The following LHFPL6 variants were observed in gnomAD, a reference collection of about 807,000 sequenced individuals.
LHFPL6 encodes LHFPL tetraspan subfamily member 6 protein.
A neutral mutation model predicts 20.6 loss-of-function variants in LHFPL6; 9 were observed. That is an observed-to-expected ratio of 0.44 (90% confidence interval 0.26 to 0.76). The LOEUF (loss-of-function observed/expected upper bound fraction) is 0.76, where lower values mean the gene tolerates loss of function less well. Ranked by LOEUF, LHFPL6 falls within the 30% of genes least tolerant of loss-of-function variation. LHFPL6 has a pLI of 0.20. For synonymous variants in LHFPL6, 105 were observed against 98.7 expected (o/e 1.06, Z -0.38); for missense variants, 218 against 253.5 (o/e 0.86, Z 0.95).
chr13:39,401,056 GAGC>G (rs1870978257), intron 2 of LHFPL6, among the ~76,000 whole-genome samples: 1 of 152,094 alleles, frequency 6.6e-6, no homozygotes, highest in Non-Finnish European at 1.5e-5. Flanking sequence ...TTCCTTTATA[GAGC>G]TTATGTGACA....
chr13:39,359,626 A>T (rs1353743537), intron 3 of LHFPL6, among the ~76,000 whole-genome samples: 1 of 152,180 alleles, frequency 6.6e-6, no homozygotes, highest in African/African-American at 2.4e-5. Context: ...ATTGGGGAAT[A>T]CAAGGAGAAG....
At chr13:39,461,557 A>T (rs1246950914) in intron 2 of LHFPL6, among the ~76,000 whole-genome samples, 2 of 152,184 alleles carry the variant, frequency 1.3e-5, no homozygotes, top group African/African-American at 4.8e-5. Context: ...GAGAACTTTA[A>T]CATCATCACA....
At chr13:39,356,101 C>T (rs1869718888) in intron 3 of LHFPL6, among the ~76,000 whole-genome samples, 1 of 152,150 alleles carries the variant, frequency 6.6e-6, no homozygotes, top group South Asian at 2.1e-4. Context: ...GGAACATATG[C>T]TAAGATTGAC....
intron 2 of LHFPL6, among the ~76,000 whole-genome samples, chr13:39,582,586 T>C (rs1291557870): frequency 6.6e-6 from 1 of 152,202 alleles, no homozygotes; most frequent in Non-Finnish European, 1.5e-5. Context: ...GAACGTACCC[T>C]TGCCTGGCCC....
chr13:39,453,172 T>C (rs1038589884), intron 2 of LHFPL6, among the ~76,000 whole-genome samples: 1 of 152,202 alleles, frequency 6.6e-6, no homozygotes, highest in Non-Finnish European at 1.5e-5. Context: ...TTGCCCCTAA[T>C]AGAATACATT....
rs750729071 is a variant in LHFPL6 at position 39,601,210 on chromosome 13, A to C, written c.7T>G (p.Ser3Ala). The C allele has an allele frequency of 6.2e-7, 1 of 1,607,790 alleles. No homozygotes were observed. Among genetic ancestry groups the C allele is most frequent in the South Asian group, 1.1e-5 (1 of 90,460 alleles). Residue 3 changes from serine (S) to alanine (A), a missense_variant, in exon 2 of 4, where the codon TCC (serine) becomes GCC (alanine). Physicochemically the swap from Ser to Ala is moderately conservative, Grantham distance 99 (BLOSUM62 1). Transcript: ENST00000379589. MA[S>A]SLTCTGVIWA... is the part of the protein sequence containing the mutation. ...ATTACTCCAGTACAAGTCAGGCTGG[A>C]TGCCATCTTTCACCAGATAGGGCAA...
At chr13:39,353,511 G>C (rs907549089) in intron 3 of LHFPL6, among the ~76,000 whole-genome samples, 1 of 151,778 alleles carries the variant, frequency 6.6e-6, no homozygotes, top group Non-Finnish European at 1.5e-5. Context: ...CAGATCACGA[G>C]GTCAGGAGAT....
intron 2 of LHFPL6, among the ~76,000 whole-genome samples, chr13:39,472,044 TAC>T (rs1872961032): frequency 6.6e-6 from 1 of 152,198 alleles, no homozygotes; most frequent in South Asian, 2.1e-4. Context: ...TTCCCAAAAT[TAC>T]ACAGGAAACT....
chr13:39,452,265 T>A (rs906888004), intron 2 of LHFPL6, among the ~76,000 whole-genome samples: 1 of 152,052 alleles, frequency 6.6e-6, no homozygotes, highest in Admixed American at 6.6e-5. Flanking sequence ...ACACAGCACA[T>A]TGCACTGAAA....
At chr13:39,368,893 G>A (rs942031416) in intron 3 of LHFPL6, among the ~76,000 whole-genome samples, 2 of 152,096 alleles carry the variant, frequency 1.3e-5, no homozygotes, top group Non-Finnish European at 2.9e-5. Context: ...TTTGACAACA[G>A]AGCCACTAAT....
intron 2 of LHFPL6, among the ~76,000 whole-genome samples, chr13:39,586,574 T>C (rs999730330): frequency 2.0e-5 from 3 of 152,182 alleles, no homozygotes; most frequent in African/African-American, 7.2e-5. Flanking sequence ...TAAACAGAGA[T>C]ATAAAATTAC....
intron 2 of LHFPL6, among the ~76,000 whole-genome samples, chr13:39,529,858 A>G (rs1486477425): frequency 6.6e-6 from 1 of 152,248 alleles, no homozygotes; most frequent in Non-Finnish European, 1.5e-5. Context: ...AAAGTAATCA[A>G]CAACAACACA....
intron 3 of LHFPL6, among the ~76,000 whole-genome samples, chr13:39,364,599 C>A (rs955423920): frequency 1.3e-5 from 2 of 152,140 alleles, no homozygotes; most frequent in African/African-American, 4.8e-5. Context: ...TATGATCACA[C>A]CAATCAAATG....
intron 2 of LHFPL6, among the ~76,000 whole-genome samples, chr13:39,395,633 A>T (rs113429419): frequency 6.6e-6 from 1 of 152,098 alleles, no homozygotes; most frequent in Non-Finnish European, 1.5e-5. Context: ...CTGTGGAGTC[A>T]TTGGTTTTGT....
chr13:39,399,559 T>A (rs1328625677), intron 2 of LHFPL6, among the ~76,000 whole-genome samples: 2 of 152,114 alleles, frequency 1.3e-5, no homozygotes, highest in African/African-American at 4.8e-5. Flanking sequence ...AATTGGCAAA[T>A]CAGGACAAGA....
chr13:39,469,477 T>C (rs1593325004), intron 2 of LHFPL6, among the ~76,000 whole-genome samples: 1 of 152,202 alleles, frequency 6.6e-6, no homozygotes, highest in Non-Finnish European at 1.5e-5. Flanking sequence ...GCAGCTCCCC[T>C]GATGCTTTAC....
At chr13:39,455,023 G>A (rs1397171615) in intron 2 of LHFPL6, among the ~76,000 whole-genome samples, 8 of 152,256 alleles carry the variant, frequency 5.3e-5, no homozygotes, top group African/African-American at 1.9e-4. Flanking sequence ...CACCCTGTGA[G>A]GGTACAGGGA....
Position 39,601,202 on chromosome 13 carries a change from C to A in LHFPL6, c.15G>T (p.Leu5=). The change falls in exon 2 of 4, where the codon CTG becomes CTT. Residue 5 remains leucine, a synonymous_variant. Coordinates refer to ENST00000379589, the MANE Select transcript of LHFPL6 (RefSeq NM_005780.3). The part of the protein sequence containing the change: MASS[L]TCTGVIWALL... Reference sequence around the variant, plus strand: ...AAGCCCAGATTACTCCAGTACAAGTCAGGCTGGATGCCATCTTTCACCAGA... The same window carrying A: ...AAGCCCAGATTACTCCAGTACAAGTAAGGCTGGATGCCATCTTTCACCAGA... 6.2e-7 allele frequency: 1 copy of A among 1,610,378 alleles called. No homozygotes were observed. The highest frequency in any genetic ancestry group is 1.1e-5 in the South Asian group (1 of 90,718).
chr13:39,596,473 A>C (rs1160793728), intron 2 of LHFPL6, among the ~76,000 whole-genome samples: 4 of 152,128 alleles, frequency 2.6e-5, no homozygotes, highest in African/African-American at 7.2e-5. Context: ...ACTCCACCAA[A>C]TCTACTGACA....
Sources: allele counts gnomAD v4.1 joint callset (sites outside exome capture counted in the v4.1 genomes callset), GRCh38; gene constraint gnomAD v4.1.1; transcripts MANE v1.5; gene names NCBI Gene and HGNC (gene_info 2026-07-23, HGNC 2026-07-21).